VTCN1: variants seen among roughly 807,000 people sequenced by gnomAD.
VTCN1 encodes the protein V-set domain containing T cell activation inhibitor 1.
Under a neutral mutation model 26.5 loss-of-function variants are expected in VTCN1, and 26 were observed. The observed-to-expected ratio is 0.98, with a 90% CI of 0.72 to 1.36. VTCN1 has a LOEUF of 1.36. Ranked by LOEUF, VTCN1 falls within the 40% of genes most tolerant of loss-of-function variation. VTCN1 has a pLI of 0.00. For synonymous variants in VTCN1, 116 were observed against 130.7 expected (o/e 0.89, Z 0.77); for missense variants, 298 against 337.7 (o/e 0.88, Z 0.92).
At chr1:117,148,945 G>A (rs932897702) in intron 4 of VTCN1, among the ~76,000 whole-genome samples, 1 of 152,140 alleles carries the variant, frequency 6.6e-6, no homozygotes, top group Admixed American at 6.5e-5. Context: ...ATGTACACGG[G>A]CTTCCTGAGA....
chr1:117,200,446 A>G (rs1041155253), intron 1 of VTCN1, among the ~76,000 whole-genome samples: 1 of 152,158 alleles, frequency 6.6e-6, no homozygotes, highest in Non-Finnish European at 1.5e-5. Flanking sequence ...AGTAGTGTCA[A>G]GGATAAGATG....
intron 1 of VTCN1, among the ~76,000 whole-genome samples, chr1:117,206,181 G>C (rs1429538507): frequency 6.6e-6 from 1 of 150,722 alleles, no homozygotes; most frequent in African/African-American, 2.4e-5. Flanking sequence ...AGAATCTGGA[G>C]AACTCTATGA....
At chr1:117,153,424 T>C in intron 3 of VTCN1, 55 bp from the exon 4 acceptor site, 1 of 1,531,916 alleles carries the variant, frequency 6.5e-7, no homozygotes, top group South Asian at 1.3e-5. Context: ...CGTAAGACAA[T>C]ATAGCCTTTG....
intron 1 of VTCN1, among the ~76,000 whole-genome samples, chr1:117,187,698 T>C (rs1316899300): frequency 6.6e-6 from 1 of 152,184 alleles, no homozygotes; most frequent in Non-Finnish European, 1.5e-5. Flanking sequence ...AGGGACCATA[T>C]CTTTTCATTT....
Position 117,147,839 on chromosome 1 carries a change from A to T in VTCN1, c.725-57T>A. 6.4e-7 allele frequency: 1 copy of T among 1,573,662 alleles called. No individual in the cohort carries two copies. The highest frequency in any genetic ancestry group is 8.6e-7 in the Non-Finnish European group (1 of 1,164,048). ...ACAGGAGAAGCTGGATGTCTTCTTC[A>T]CATGACTGGTTAGCAAAGAAAAGTA... On this transcript the variant is annotated intron_variant, in intron 4 of 5. Coordinates refer to ENST00000369458, the MANE Select transcript of VTCN1 (RefSeq NM_024626.4). The surrounding 1 kb of genome is among the most constrained non-coding windows in gnomAD (Gnocchi z 4.6).
intron 1 of VTCN1, among the ~76,000 whole-genome samples, chr1:117,186,015 C>T (rs1553211921): frequency 1.3e-5 from 2 of 152,182 alleles, no homozygotes; most frequent in Non-Finnish European, 1.5e-5. Flanking sequence ...GCAAAATAAA[C>T]TTTTTTAATT....
chr1:117,172,963 C>G (rs535299760), intron 1 of VTCN1, among the ~76,000 whole-genome samples: 1 of 152,180 alleles, frequency 6.6e-6, no homozygotes, highest in African/African-American at 2.4e-5. Context: ...CAAACTCCTC[C>G]GGTCCCCTTC....
At chr1:117,202,308 C>T (rs1648829039) in intron 1 of VTCN1, among the ~76,000 whole-genome samples, 1 of 152,102 alleles carries the variant, frequency 6.6e-6, no homozygotes, top group African/African-American at 2.4e-5. Flanking sequence ...AAAGCTGCCA[C>T]CAGCAACCGG....
intron 1 of VTCN1, chr1:117,170,425 T>A (rs1333088070): frequency 2.0e-5 from 11 of 551,720 alleles, no homozygotes; most frequent in African/African-American, 1.7e-4. Context: ...TACTGTCCTA[T>A]TTCCAGATCA....
At chr1:117,165,991 T>C (rs1652587293) in intron 2 of VTCN1, among the ~76,000 whole-genome samples, 1 of 152,236 alleles carries the variant, frequency 6.6e-6, no homozygotes, top group Non-Finnish European at 1.5e-5. Flanking sequence ...AATAACCAGC[T>C]GTCACCCTGT....
intron 1 of VTCN1, among the ~76,000 whole-genome samples, chr1:117,171,173 G>A (rs6695942): frequency 0.04 from 6,054 of 152,212 alleles, 385 homozygotes; most frequent in African/African-American, 0.13. Context: ...TTCCTGCAAA[G>A]GACATGAACT....
chr1:117,181,644 G>A (rs1386315288), intron 1 of VTCN1, among the ~76,000 whole-genome samples: 3 of 152,154 alleles, frequency 2.0e-5, no homozygotes, highest in Non-Finnish European at 4.4e-5. Context: ...TAAGGGAGTG[G>A]GAAGGCAGGT....
At position 117,175,746 on chromosome 1, in the gene VTCN1, G is replaced by C. The variant is rs928827619; in HGVS notation, c.33-5575C>G. Among the ~76,000 whole-genome samples, 39 of 150,402 alleles carry C rather than the reference G, an allele frequency of 2.6e-4. No homozygotes were observed. Among genetic ancestry groups the C allele is most frequent in the Admixed American group, 1.3e-4 (2 of 15,064 alleles). On this transcript the variant is annotated intron_variant, in intron 1 of 5. Coordinates refer to ENST00000369458, the MANE Select transcript of VTCN1 (RefSeq NM_024626.4). The surrounding 1 kb of genome is among the most constrained non-coding windows in gnomAD (Gnocchi z 4.2). The stretch of plus-strand genomic sequence containing the variant: ...ACACACCAAAAAATAAACCAGAAGA[G>C]AGATACCTATCTCTCTCTCTCTCTC...
intron 4 of VTCN1, among the ~76,000 whole-genome samples, chr1:117,150,386 G>A (rs1651724920): frequency 6.6e-6 from 1 of 152,166 alleles, no homozygotes; most frequent in Admixed American, 6.5e-5. Flanking sequence ...AATCTCAATG[G>A]GATTTAAGTT....
At position 117,146,981 on chromosome 1, in the gene VTCN1, G is replaced by A. The variant is rs145462178; in HGVS notation, c.*45+632C>T. 5.3e-5 allele frequency among the ~76,000 whole-genome samples: 8 copies of A among 152,256 alleles called. No homozygotes were observed. Among genetic ancestry groups the A allele is most frequent in the Non-Finnish European group, 1.0e-4 (7 of 68,018 alleles). ...AGGGGTTGATAAGAAATTGACATGCGGGACAGAGGGGAGACAAAAATAGCT... is the reference window on the plus strand; with the variant it reads ...AGGGGTTGATAAGAAATTGACATGCAGGACAGAGGGGAGACAAAAATAGCT... On this transcript the variant is annotated intron_variant, in intron 5 of 5. Coordinates refer to ENST00000369458, the MANE Select transcript of VTCN1 (RefSeq NM_024626.4). This position sits in a 1 kb window ranked among gnomAD's most constrained non-coding sequence, Gnocchi z 4.2.
intron 1 of VTCN1, among the ~76,000 whole-genome samples, chr1:117,201,139 G>A (rs909556165): frequency 2.6e-5 from 4 of 152,124 alleles, no homozygotes; most frequent in East Asian, 1.9e-4. Context: ...TATCATAAAT[G>A]CACAACTACA....
chr1:117,172,288 T>C, intron 1 of VTCN1: 2 of 508,980 alleles, frequency 3.9e-6, no homozygotes, highest in Admixed American at 3.9e-5. Flanking sequence ...ACAGTTCCCC[T>C]GCCGGCCAAG....
chr1:117,156,426 T>G (rs1307007411), intron 3 of VTCN1, 148 bp downstream of exon 3: 1 of 871,522 alleles, frequency 1.1e-6, no homozygotes, highest in Non-Finnish European at 1.7e-6. Context: ...GGTGTGAGTC[T>G]TGGCCATAAA....
intron 1 of VTCN1, among the ~76,000 whole-genome samples, chr1:117,201,344 C>T (rs955769940): frequency 6.6e-5 from 10 of 152,094 alleles, no homozygotes; most frequent in Non-Finnish European, 1.2e-4. Flanking sequence ...GCCTGGCCTG[C>T]GGGAGGGAGT....
Sources: gnomAD v4.1 joint callset for allele counts (sites outside exome capture counted in the v4.1 genomes callset) on GRCh38, gnomAD v4.1.1 for gene constraint, Gnocchi (gnomAD v3.1) non-coding constraint, MANE v1.5 for transcripts, NCBI Gene and HGNC (gene_info 2026-07-23, HGNC 2026-07-21) for gene names.